HS3ST3A1: variants seen among roughly 807,000 people sequenced by gnomAD.
HS3ST3A1 encodes heparan sulfate glucosamine 3-O-sulfotransferase 3A1.
A neutral mutation model predicts 25.7 loss-of-function variants in HS3ST3A1; 19 were observed. That is an observed-to-expected ratio of 0.74 (90% CI 0.52 to 1.08). The LOEUF is 1.08. Ranked by LOEUF, HS3ST3A1 falls within the 50% of genes least tolerant of loss-of-function variation. The pLI, the probability that HS3ST3A1 is intolerant of heterozygous loss-of-function variation, is 0.00. For synonymous variants in HS3ST3A1, 226 were observed against 278.6 expected (o/e 0.81, Z 1.88); for missense variants, 459 against 594.3 (o/e 0.77, Z 2.37).
intron 1 of HS3ST3A1, among the ~76,000 whole-genome samples, chr17:13,549,558 C>T (rs924123258): frequency 1.3e-5 from 2 of 152,188 alleles, no homozygotes; most frequent in Non-Finnish European, 2.9e-5. Context: ...CGACAATCCT[C>T]TGACCTCAGG....
At chr17:13,529,768 T>C (rs532957792) in intron 1 of HS3ST3A1, among the ~76,000 whole-genome samples, 7 of 152,258 alleles carry the variant, frequency 4.6e-5, no homozygotes, top group Admixed American at 3.3e-4. Context: ...TCAAAAGCAT[T>C]TCCTATCAAA....
intron 1 of HS3ST3A1, among the ~76,000 whole-genome samples, chr17:13,519,960 G>A (rs1168849181): frequency 3.9e-5 from 6 of 152,188 alleles, no homozygotes; most frequent in Non-Finnish European, 7.3e-5. Flanking sequence ...TGGGAAAATA[G>A]CATGAAACTA....
At chr17:13,560,320 G>A (rs76727005) in intron 1 of HS3ST3A1, among the ~76,000 whole-genome samples, 159 of 20,680 alleles carry the variant, frequency 7.7e-3, no homozygotes, top group Non-Finnish European at 0.011. Flanking sequence ...AAAAAAAAAA[G>A]TGTATTACCT....
At chr17:13,530,047 G>T (rs7211903) in intron 1 of HS3ST3A1, among the ~76,000 whole-genome samples, 23,175 of 149,774 alleles carry the variant, frequency 0.15, 1,895 homozygotes, top group African/African-American at 0.2. Flanking sequence ...CACGGGTTGG[G>T]GTGGGCATAT....
At chr17:13,558,000 T>TA (rs1907427798) in intron 1 of HS3ST3A1, among the ~76,000 whole-genome samples, 1 of 152,236 alleles carries the variant, frequency 6.6e-6, no homozygotes, top group African/African-American at 2.4e-5. Flanking sequence ...GGCCTTTACT[T>TA]AACACCATTA....
chr17:13,506,826 G>A (rs1176731681), intron 1 of HS3ST3A1, among the ~76,000 whole-genome samples: 1 of 151,938 alleles, frequency 6.6e-6, no homozygotes, highest in South Asian at 2.1e-4. Context: ...GGAGGCCGAG[G>A]CGGGTGGATC....
intron 1 of HS3ST3A1, among the ~76,000 whole-genome samples, chr17:13,582,312 T>C (rs955551237): frequency 2.0e-5 from 3 of 152,232 alleles, no homozygotes. Flanking sequence ...ATTCTGATAA[T>C]AGGCATACAT....
At chr17:13,530,129 T>G (rs939942700) in intron 1 of HS3ST3A1, among the ~76,000 whole-genome samples, 8 of 152,022 alleles carry the variant, frequency 5.3e-5, no homozygotes, top group Non-Finnish European at 8.8e-5. Flanking sequence ...TTTCATTCCT[T>G]TGAATAGATG....
intron 1 of HS3ST3A1, among the ~76,000 whole-genome samples, chr17:13,578,269 C>T (rs570064888): frequency 3.3e-5 from 5 of 150,748 alleles, no homozygotes; most frequent in East Asian, 2.0e-4. Context: ...GTTTCCAGGC[C>T]GGGAATGGTG....
intron 1 of HS3ST3A1, among the ~76,000 whole-genome samples, chr17:13,501,505 G>T (rs1256499952): frequency 6.6e-6 from 1 of 152,066 alleles, no homozygotes. Context: ...AGGGGGCTCT[G>T]GTTTTGCTAA....
chr17:13,592,965 A>T (rs1908469722), intron 1 of HS3ST3A1, among the ~76,000 whole-genome samples: 1 of 152,160 alleles, frequency 6.6e-6, no homozygotes, highest in African/African-American at 2.4e-5. Flanking sequence ...CAGAGGTCTG[A>T]AGGTTGCACT....
chr17:13,542,696 T>C (rs952167390), intron 1 of HS3ST3A1, among the ~76,000 whole-genome samples: 38 of 151,946 alleles, frequency 2.5e-4, no homozygotes, highest in Non-Finnish European at 2.6e-4. Flanking sequence ...CCAAAACCCT[T>C]GGAATCTAAA....
chr17:13,522,001 T>C (rs963438970), intron 1 of HS3ST3A1, among the ~76,000 whole-genome samples: 2 of 152,186 alleles, frequency 1.3e-5, no homozygotes, highest in Non-Finnish European at 2.9e-5. Context: ...ACTGCTAGTG[T>C]CTCCAGACGT....
chr17:13,494,052 TC>T lies in HS3ST3A1; in HGVS notation c.*2144del, dbSNP rs1322383694. Among the ~76,000 whole-genome samples, 7 of 152,364 alleles carry T rather than the reference TC, an allele frequency of 4.6e-5. No homozygotes were observed. The highest frequency in any genetic ancestry group is 1.7e-4 in the African/African-American group (7 of 41,598). On this transcript the variant is annotated 3_prime_UTR_variant, in exon 2 of 2. Transcript: ENST00000284110. ...AGGGATCCTTTGCATTCAATTCTGTTCTTTTATTTCTTTCACATTAAAAAAA... is the reference window on the plus strand; with the variant it reads ...AGGGATCCTTTGCATTCAATTCTGTTTTTTATTTCTTTCACATTAAAAAAA...
rs1312042596 is a variant in HS3ST3A1, at chr17:13,584,439, GAA to G, written c.599+16090_599+16091del. ...TGCAATTTCCAAAAAAAAAAAAGAA[GAA>G]AGAGAGAGAGAGGAAGGAAGGAAGG... is the stretch of plus-strand genomic sequence containing the variant. On this transcript the variant is annotated intron_variant, in intron 1 of 1. Coordinates refer to ENST00000284110, the MANE Select transcript of HS3ST3A1 (RefSeq NM_006042.3). Among the ~76,000 whole-genome samples, 14 of 139,898 alleles carry G rather than the reference GAA, an allele frequency of 1.0e-4. No homozygotes were observed. In the Admixed American group the frequency reaches 1.1e-3, roughly 11 times the overall value. 91.8% of individuals were successfully genotyped at this position (139,898 alleles called of 152,430 possible). A position where few individuals can be genotyped will look rare whatever the true frequency, so the allele number is the denominator to read the frequency against.
Position 13,496,222 on chromosome 17 carries a change from C to T in HS3ST3A1, c.1196G>A (p.Gly399Glu). The T allele has an allele frequency of 6.2e-7, 1 of 1,600,886 alleles. No homozygotes were observed. Among genetic ancestry groups the T allele is most frequent in the Non-Finnish European group, 8.5e-7 (1 of 1,174,204 alleles). Residue 399 changes from glycine to glutamate, a missense_variant, in exon 2 of 2, where the codon GGG (glycine) becomes GAG (glutamate). Around this residue, in one of 3 missense-constraint regions of HS3ST3A1, gnomAD observed 46 missense variants for 59.0 expected, o/e 0.78. Coordinates refer to ENST00000284110, the MANE Select transcript of HS3ST3A1 (RefSeq NM_006042.3). ...PFNLKFYQMTGHDFGWDG is the reference protein window; with the variant it reads ...PFNLKFYQMTEHDFGWDG Reference sequence around the variant, plus strand: ...TTATCCATCCCAGCCAAAGTCGTGCCCGGTCATCTGGTAGAACTTGAGGTT... The same window carrying T: ...TTATCCATCCCAGCCAAAGTCGTGCTCGGTCATCTGGTAGAACTTGAGGTT...
chr17:13,565,902 C>T (rs79538678), intron 1 of HS3ST3A1, among the ~76,000 whole-genome samples: 9 of 152,154 alleles, frequency 5.9e-5, no homozygotes, highest in African/African-American at 9.7e-5. Context: ...GTCTATACTC[C>T]GAGTGTGTAA....
At chr17:13,566,199 T>C (rs1239249698) in intron 1 of HS3ST3A1, among the ~76,000 whole-genome samples, 1 of 152,192 alleles carries the variant, frequency 6.6e-6, no homozygotes, top group Non-Finnish European at 1.5e-5. Context: ...CATTTTGGTA[T>C]TTTTCTCAAT....
chr17:13,525,085 A>T (rs1196477934), intron 1 of HS3ST3A1, among the ~76,000 whole-genome samples: 1 of 151,906 alleles, frequency 6.6e-6, no homozygotes, highest in Admixed American at 6.6e-5. Context: ...TGTATGTATG[A>T]GTGTGTCTGC....
Sources: gnomAD v4.1 joint callset for allele counts (sites outside exome capture counted in the v4.1 genomes callset) on GRCh38, gnomAD v4.1.1 for gene constraint, gnomAD v4.1.1 regional missense constraint, MANE v1.5 for transcripts, NCBI Gene and HGNC (gene_info 2026-07-23, HGNC 2026-07-21) for gene names.